ABHD2: variants seen among roughly 807,000 people sequenced by gnomAD.
The protein encoded by ABHD2 is abhydrolase domain containing 2, acylglycerol lipase.
ABHD2 carries 20 observed loss-of-function variants against 48.1 expected under a neutral mutation model. The observed-to-expected ratio is 0.42, with a 90% CI of 0.29 to 0.60. The LOEUF (loss-of-function observed/expected upper bound fraction) is 0.60. ABHD2 is among the 20% of genes least tolerant of loss of function. ABHD2 has a pLI of 0.24. For missense variants in ABHD2, 405 were observed against 550.9 expected (o/e 0.74, Z 2.65); for synonymous variants, 209 against 214.2 (o/e 0.98, Z 0.21).
In ABHD2 at chr15:89,191,136, G is replaced by A. The variant is rs751133771; in HGVS notation, c.983G>A (p.Arg328Gln). 50 of 1,613,778 alleles carry A rather than the reference G, an allele frequency of 3.1e-5. No homozygotes were observed. The highest frequency in any genetic ancestry group is 4.4e-5 in the South Asian group (4 of 91,066). ...KEYYEEESCMRYLHRIYVPLM... is the reference protein window; with the variant it reads ...KEYYEEESCMQYLHRIYVPLM... ...TACTATGAGGAAGAAAGTTGCATGCGGTACCTGCACAGGGTGAGTGGCCAT... is the reference window on the plus strand; with the variant it reads ...TACTATGAGGAAGAAAGTTGCATGCAGTACCTGCACAGGGTGAGTGGCCAT... Residue 328 changes from arginine (R) to glutamine (Q), a missense_variant, in exon 9 of 11, where the codon CGG becomes CAG. By Grantham distance (43) the Arg-to-Gln change is conservative. Coordinates refer to ENST00000352732, the MANE Select transcript of ABHD2 (RefSeq NM_152924.5).
In ABHD2 at chr15:89,191,208, C is replaced by A. The variant is rs1028060600; in HGVS notation, c.996+59C>A. On this transcript the variant is annotated intron_variant, in intron 9 of 10. Transcript: ENST00000352732. ...ACTCCACCCAGCCTCGCACACAATA[C>A]GACAGATACCTCTCCTGAATTTTCC... 5 of 1,522,790 alleles carry A rather than the reference C, an allele frequency of 3.3e-6. No individual in the cohort carries two copies. The Admixed American group carries it at 7.2e-5, about 22-fold the overall frequency. The allele number at this position is 1,522,790 out of a possible 1,614,324, so 94.3% of individuals were successfully genotyped here.
At chr15:89,057,251 G>A in the ABHD2 span, among the ~76,000 whole-genome samples, 1 of 152,268 alleles carries the variant, frequency 6.6e-6, no homozygotes, top group South Asian at 2.1e-4. Context: ...AGTGAAAAGG[G>A]TAAAGGATCT....
At chr15:89,042,507 G>C in the ABHD2 span, among the ~76,000 whole-genome samples, 1 of 151,906 alleles carries the variant, frequency 6.6e-6, no homozygotes, top group Non-Finnish European at 1.5e-5. Flanking sequence ...CCTCCATGAA[G>C]ATTTCCTGTC....
In ABHD2 at chr15:89,125,948, A is replaced by T. The variant is rs193292500; in HGVS notation, c.194+9427A>T. Among the ~76,000 whole-genome samples the T allele has an allele frequency of 1.6e-4, 25 of 152,322 alleles. No individual in the cohort carries two copies. The East Asian group carries it at 4.6e-3, about 28-fold the overall frequency. On this transcript the variant is annotated intron_variant, in intron 3 of 10. Coordinates refer to ENST00000352732, the MANE Select transcript of ABHD2 (RefSeq NM_152924.5). ...GCCGAAGCCTGAAAGATCTAAAAAA[A>T]GGTTCGGAATCCAAAATAGTCAAGA...
At chr15:89,139,423 A>T (rs777738387) in intron 3 of ABHD2, among the ~76,000 whole-genome samples, 13 of 152,180 alleles carry the variant, frequency 8.5e-5, no homozygotes, top group Non-Finnish European at 1.8e-4. Context: ...TGTCTGTGAC[A>T]GTAGCTGCCT....
At chr15:89,183,303 AG>A (rs1458680574) in intron 6 of ABHD2, 1 of 144,142 alleles carries the variant, frequency 6.9e-6, no homozygotes, top group Non-Finnish European at 1.5e-5. Context: ...TTTAGTCTGT[AG>A]GTTACCCTTT....
Position 89,193,216 on chromosome 15 carries a change from CT to C in ABHD2, c.997-16del. On this transcript the variant is annotated intron_variant, in intron 9 of 10. Coordinates refer to ENST00000352732, the MANE Select transcript of ABHD2 (RefSeq NM_152924.5). ...AATGGGAATCAGTAGTTTAATTCTG[CT>C]TTATGTTCTTGTTGCAGATTTATGT... 6.2e-7 allele frequency: 1 copy of C among 1,612,650 alleles called. No individual in the cohort carries two copies. Among genetic ancestry groups the C allele is most frequent in the Non-Finnish European group, 8.5e-7 (1 of 1,178,642 alleles).
intron 3 of ABHD2, among the ~76,000 whole-genome samples, chr15:89,132,288 G>A (rs995359335): frequency 7.9e-5 from 12 of 152,258 alleles, no homozygotes; most frequent in East Asian, 3.9e-4. Context: ...AATAAGAATC[G>A]CTGTAAGGGA....
intron 3 of ABHD2, among the ~76,000 whole-genome samples, chr15:89,143,432 C>T (rs1350390813): frequency 6.6e-6 from 1 of 152,132 alleles, no homozygotes; most frequent in Non-Finnish European, 1.5e-5. Context: ...CTTTGGGAGG[C>T]CGAGGCGGGT....
At chr15:89,054,139 T>C in the ABHD2 span, among the ~76,000 whole-genome samples, 1 of 151,256 alleles carries the variant, frequency 6.6e-6, no homozygotes, top group Admixed American at 6.6e-5. Flanking sequence ...CTAGCCAACA[T>C]GATGAAACCC....
At chr15:89,079,698 A>G in the ABHD2 span, among the ~76,000 whole-genome samples, 1 of 152,236 alleles carries the variant, frequency 6.6e-6, no homozygotes. This position sits in a 1 kb window ranked among gnomAD's most constrained non-coding sequence, Gnocchi z 4.3. Context: ...GCAAATTAAT[A>G]AACTTTTATT....
Position 89,116,455 on chromosome 15 carries a change from A to G in ABHD2, c.128A>G (p.Asp43Gly). ...LNLKSPTAPP[D>G]LYFQDSGLSR... ...CTGAAGAGCCCCACAGCCCCACCTGACCTCTACTTCCAGGACTCGGGGCTC... is the reference window on the plus strand; with the variant it reads ...CTGAAGAGCCCCACAGCCCCACCTGGCCTCTACTTCCAGGACTCGGGGCTC... The change falls in exon 3 of 11, where the codon GAC becomes GGC. Residue 43 changes from aspartate to glycine, a missense_variant. Transcript: ENST00000352732. The surrounding 1 kb of genome is among the most constrained non-coding windows in gnomAD (Gnocchi z 4.6). The G allele has an allele frequency of 6.2e-7, 1 of 1,614,162 alleles. No individual in the cohort carries two copies. The highest frequency in any genetic ancestry group is 8.5e-7 in the Non-Finnish European group (1 of 1,180,030).
chr15:89,108,922 GA>G (rs2049829951), intron 1 of ABHD2, among the ~76,000 whole-genome samples: 2 of 152,192 alleles, frequency 1.3e-5, no homozygotes, highest in Admixed American at 6.5e-5. Context: ...TAGAATCTCA[GA>G]CATTTCTAGC....
rs148771305 is a variant in ABHD2 at position 89,180,468 on chromosome 15, A to G, written c.722+4473A>G. Among the ~76,000 whole-genome samples, 90 of 152,290 alleles carry G rather than the reference A, an allele frequency of 5.9e-4. 1 individual carries two copies. The highest frequency in any genetic ancestry group is 2.1e-3 in the African/African-American group (88 of 41,550). On this transcript the variant is annotated intron_variant, in intron 6 of 10. Transcript: ENST00000352732. ...TGGAACTAACAAAGCCCAGCCTGGC[A>G]GGTACCAAAAACTCTTGGCCCACTC...
intron 9 of ABHD2, among the ~76,000 whole-genome samples, chr15:89,191,708 ATC>A (rs2051309218): frequency 2.2e-3 from 1 of 458 alleles, no homozygotes; most frequent in Admixed American, 0.029. Context: ...GCTCACTGCA[ATC>A]TCCACCTTCC....
the ABHD2 span, among the ~76,000 whole-genome samples, chr15:89,051,208 G>T: frequency 6.6e-6 from 1 of 152,170 alleles, no homozygotes; most frequent in Non-Finnish European, 1.5e-5. Flanking sequence ...ACTCCAGCCT[G>T]GGTGACAAGA....
Position 89,190,678 on chromosome 15 carries a change from G to A in ABHD2, c.927-402G>A, listed in dbSNP as rs547648441. 8.5e-5 allele frequency among the ~76,000 whole-genome samples: 13 copies of A among 152,302 alleles called. No homozygotes were observed. In the East Asian group the frequency reaches 1.9e-3, roughly 23 times the overall value. On this transcript the variant is annotated intron_variant, in intron 8 of 10. Coordinates refer to ENST00000352732, the MANE Select transcript of ABHD2 (RefSeq NM_152924.5). ...TTACTCTGGGTCGGTCATGATGCTA[G>A]TAAGCACTTGAACATCATAAGTCTC...
chr15:89,145,982 C>T (rs1480274603), intron 3 of ABHD2, among the ~76,000 whole-genome samples: 1 of 152,146 alleles, frequency 6.6e-6, no homozygotes, highest in East Asian at 1.9e-4. Context: ...TCCTATCTGA[C>T]AGAAACTTCA....
intron 3 of ABHD2, among the ~76,000 whole-genome samples, chr15:89,145,205 G>A (rs944327053): frequency 1.5e-4 from 23 of 152,218 alleles, no homozygotes; most frequent in East Asian, 3.8e-4. Context: ...GCAGTGAGCC[G>A]AGATGGTGCC....
Sources: gnomAD v4.1 joint callset for allele counts (sites outside exome capture counted in the v4.1 genomes callset) on GRCh38, gnomAD v4.1.1 for gene constraint, Gnocchi (gnomAD v3.1) non-coding constraint, MANE v1.5 for transcripts, NCBI Gene and HGNC (gene_info 2026-07-23, HGNC 2026-07-21) for gene names.